Variants in KDM4B observed in about 807,000 individuals in gnomAD.
KDM4B encodes lysine-specific demethylase 4B.
KDM4B carries 32 observed loss-of-function variants against 125.2 expected under a neutral mutation model. The observed-to-expected ratio is 0.26, with a 90% CI of 0.19 to 0.34. The LOEUF is 0.34. KDM4B is among the 10% of genes least tolerant of loss of function. KDM4B has a pLI of 1.00. For synonymous variants in KDM4B, 721 were observed against 677.9 expected, an observed-to-expected ratio of 1.06 and a Z score of -0.99; for missense variants, 1,190 against 1,577.7, an observed-to-expected ratio of 0.75 and a Z score of 4.16.
intron 11 of KDM4B, among the ~76,000 whole-genome samples, chr19:5,123,835 G>C (rs1275768947): frequency 1.3e-5 from 2 of 152,210 alleles, no homozygotes; most frequent in Admixed American, 1.3e-4. Flanking sequence ...TTTGATTCTG[G>C]AGACGGTGAG....
intron 6 of KDM4B, among the ~76,000 whole-genome samples, chr19:5,049,006 GC>G (rs2037132049): frequency 6.6e-6 from 1 of 152,310 alleles, no homozygotes; most frequent in Middle Eastern, 3.4e-3. Flanking sequence ...CCTGTGAGGG[GC>G]CCCGGGGGTT....
Position 5,057,119 on chromosome 19 carries a change from C to T in KDM4B, c.626+9450C>T, listed in dbSNP as rs563842041. 2.6e-5 allele frequency among the ~76,000 whole-genome samples: 4 copies of T among 151,948 alleles called. No homozygotes were observed. The South Asian group carries it at 8.3e-4, about 31-fold the overall frequency. On this transcript the variant is annotated intron_variant, in intron 6 of 22. Coordinates refer to ENST00000159111, the MANE Select transcript of KDM4B (RefSeq NM_015015.3). Reference sequence around the variant, plus strand: ...CTCTCCGGCTGTCCCCTGTGTACCTCGATGTCAGGACACGGCCCCCACCTG... The same window carrying T: ...CTCTCCGGCTGTCCCCTGTGTACCTTGATGTCAGGACACGGCCCCCACCTG...
chr19:5,063,301 G>A (rs912243343), intron 6 of KDM4B, among the ~76,000 whole-genome samples: 4 of 152,148 alleles, frequency 2.6e-5, no homozygotes, highest in African/African-American at 9.7e-5. Flanking sequence ...CGTGGGACTG[G>A]CTGATCATTT....
intron 9 of KDM4B, among the ~76,000 whole-genome samples, chr19:5,107,542 G>C (rs2620858): frequency 0.59 from 89,131 of 152,022 alleles, 26,277 homozygotes; most frequent in East Asian, 0.66. Context: ...CTGCCCTGCC[G>C]GAGGACTCTG....
chr19:5,012,303 C>G (rs1191675982), intron 1 of KDM4B, among the ~76,000 whole-genome samples: 3 of 152,190 alleles, frequency 2.0e-5, no homozygotes, highest in Non-Finnish European at 4.4e-5. Context: ...CTGCCTGCCA[C>G]CCCCCACCCG....
At chr19:5,037,811 A>AC (rs761034954) in intron 3 of KDM4B, among the ~76,000 whole-genome samples, 46 of 151,292 alleles carry the variant, frequency 3.0e-4, no homozygotes, top group African/African-American at 9.5e-4. Flanking sequence ...GGGGGACAAG[A>AC]CCCCCCCTCA....
Position 5,104,663 on chromosome 19 carries a change from G to A in KDM4B, c.919-5959G>A, listed in dbSNP as rs142545205. ...GATTCAGACCTCATGTGTGTCCCTC[G>A]GGAGCTTCCAAAATAGGACTGCTTT... is the stretch of plus-strand genomic sequence containing the variant. On this transcript the variant is annotated intron_variant, in intron 9 of 22. Transcript: ENST00000159111. Among the ~76,000 whole-genome samples, 189 of 152,172 alleles carry A rather than the reference G, an allele frequency of 1.2e-3. 2 individuals are homozygous for A. The highest frequency in any genetic ancestry group is 4.3e-3 in the African/African-American group (180 of 41,516).
chr19:4,973,030 C>T (rs550623560), intron 1 of KDM4B, among the ~76,000 whole-genome samples: 1 of 152,262 alleles, frequency 6.6e-6, no homozygotes, highest in East Asian at 1.9e-4. Context: ...CCAGGGGTGG[C>T]ACTTCCACAC....
chr19:5,138,845 C>G (rs2039694103), intron 18 of KDM4B, among the ~76,000 whole-genome samples: 1 of 152,224 alleles, frequency 6.6e-6, no homozygotes, highest in African/African-American at 2.4e-5. Flanking sequence ...CCCCAGCACC[C>G]AGCACTCTGC....
Position 5,081,445 on chromosome 19 carries a change from C to A in KDM4B, c.781-922C>A, listed in dbSNP as rs1365364115. Among the ~76,000 whole-genome samples, 1 of 152,152 alleles carries A rather than the reference C, an allele frequency of 6.6e-6. No individual in the cohort carries two copies. The highest frequency in any genetic ancestry group is 1.9e-4 in the East Asian group (1 of 5,184). Reference sequence around the variant, plus strand: ...GTTCCTAGGGCACAAGGCTGTAGCCCCCCAGCCCTGGTAGGCAGCCCTGCC... The same window carrying A: ...GTTCCTAGGGCACAAGGCTGTAGCCACCCAGCCCTGGTAGGCAGCCCTGCC... On this transcript the variant is annotated intron_variant, in intron 8 of 22. Transcript: ENST00000159111. The surrounding 1 kb of genome is among the most constrained non-coding windows in gnomAD (Gnocchi z 4.2).
In KDM4B at chr19:5,151,592, G is replaced by A. The variant is rs964005905; in HGVS notation, c.*81G>A. 6 of 1,196,256 alleles carry A rather than the reference G, an allele frequency of 5.0e-6. No individual in the cohort carries two copies. Among genetic ancestry groups the A allele is most frequent in the Non-Finnish European group, 6.4e-6 (6 of 942,940 alleles). The allele number at this position is 1,196,256 out of a possible 1,614,324, so 74.1% of individuals were successfully genotyped here. On this transcript the variant is annotated 3_prime_UTR_variant, in exon 23 of 23. Coordinates refer to ENST00000159111, the MANE Select transcript of KDM4B (RefSeq NM_015015.3). ...GGGCGTTCGCTTGCTGTGAATTCCT[G>A]TCCTCGTGTCCCCGACCCCCGAGAG...
At chr19:4,994,020 G>GTTTT (rs55641886) in intron 1 of KDM4B, among the ~76,000 whole-genome samples, 217 of 66,690 alleles carry the variant, frequency 3.3e-3, no homozygotes, top group Middle Eastern at 0.016. Context: ...TTTTCAGCCT[G>GTTTT]TTTTTTTTTT....
At chr19:5,062,101 C>A (rs1252260118) in intron 6 of KDM4B, among the ~76,000 whole-genome samples, 2 of 152,170 alleles carry the variant, frequency 1.3e-5, no homozygotes, top group Non-Finnish European at 2.9e-5. Context: ...GGTCTCACTC[C>A]TCCTCTTCCT....
intron 6 of KDM4B, among the ~76,000 whole-genome samples, chr19:5,068,526 A>T (rs1377317340): frequency 6.6e-6 from 1 of 152,148 alleles, no homozygotes; most frequent in Non-Finnish European, 1.5e-5. Flanking sequence ...TGTGTGTCCT[A>T]AGCCGTGTCC....
rs1365250818 is a variant in KDM4B, at chr19:4,971,472, G to A, written c.-109+2242G>A. ...TCCTATGCCCCACCCACTCCCTGAT[G>A]AGCCGGGGAGGAGCCTCAGCTCTGG... On this transcript the variant is annotated intron_variant, in intron 1 of 22. Transcript: ENST00000159111. The surrounding 1 kb of genome is among the most constrained non-coding windows in gnomAD (Gnocchi z 4.1). Among the ~76,000 whole-genome samples the A allele has an allele frequency of 6.6e-6, 1 of 152,132 alleles. No individual in the cohort carries two copies. The highest frequency in any genetic ancestry group is 1.5e-5 in the Non-Finnish European group (1 of 68,034).
chr19:5,038,167 C>T (rs1050728277), intron 3 of KDM4B, among the ~76,000 whole-genome samples: 1 of 152,210 alleles, frequency 6.6e-6, no homozygotes, highest in East Asian at 1.9e-4. Flanking sequence ...GTGGCCCGGT[C>T]GACTCCTGGA....
Position 5,132,027 on chromosome 19 carries a change from G to T in KDM4B, c.1906+20G>T. 1 of 1,592,694 alleles carries T rather than the reference G, an allele frequency of 6.3e-7. No homozygotes were observed. Among genetic ancestry groups the T allele is most frequent in the Non-Finnish European group, 8.5e-7 (1 of 1,170,228 alleles). The stretch of plus-strand genomic sequence containing the variant: ...ACGAGGGTGAGTGGGGGGTCCCCAG[G>T]TCGGCTCTCATCAGCCCTGCTCCGC... On this transcript the variant is annotated intron_variant, in intron 13 of 22. Transcript: ENST00000159111.
chr19:5,145,024 A>G (rs1446728117), intron 21 of KDM4B, 122 bp downstream of exon 21: 39 of 1,320,340 alleles, frequency 3.0e-5, no homozygotes, highest in Non-Finnish European at 3.9e-5. Context: ...GGTGTGGGCC[A>G]TGGTTAGTGA....
chr19:5,126,386 GTCCACCTC>G (rs2039449939), intron 11 of KDM4B, among the ~76,000 whole-genome samples: 1 of 152,168 alleles, frequency 6.6e-6, no homozygotes, highest in Non-Finnish European at 1.5e-5. Flanking sequence ...AGGCGGCCTC[GTCCACCTC>G]TCCTGAGCCT....
Sources: gnomAD v4.1 joint callset for allele counts (sites outside exome capture counted in the v4.1 genomes callset) on GRCh38, gnomAD v4.1.1 for gene constraint, Gnocchi (gnomAD v3.1) non-coding constraint, MANE v1.5 for transcripts, NCBI Gene and HGNC (gene_info 2026-07-23, HGNC 2026-07-21) for gene names.